Variants in CPEB3 observed in about 807,000 individuals in gnomAD.
CPEB3 encodes cytoplasmic polyadenylation element binding protein 3, also known as cytoplasmic polyadenylation element-binding protein 3.
Under a neutral mutation model 67.2 loss-of-function variants are expected in CPEB3, and 20 were observed. The observed-to-expected ratio is 0.30, with a 90% CI of 0.21 to 0.43. The LOEUF (loss-of-function observed/expected upper bound fraction) is 0.43, where lower values mean the gene tolerates loss of function less well. CPEB3 is among the 20% of genes least tolerant of loss of function. The probability of loss-of-function intolerance (pLI) is 1.00; values close to 1 mark genes in which losing one functional copy is unlikely to be tolerated. For synonymous variants in CPEB3, 376 were observed against 393.1 expected (o/e 0.96, Z 0.51); for missense variants, 746 against 968.6 (o/e 0.77, Z 3.05).
At chr10:92,109,531 C>T (rs1244961867) in intron 7 of CPEB3, among the ~76,000 whole-genome samples, 2 of 152,018 alleles carry the variant, frequency 1.3e-5, no homozygotes, top group South Asian at 2.1e-4. Flanking sequence ...GGATTACAGG[C>T]GTGAGCTACT....
At chr10:92,056,635 C>G (rs1054243392) in intron 9 of CPEB3, among the ~76,000 whole-genome samples, 4 of 152,130 alleles carry the variant, frequency 2.6e-5, no homozygotes, top group Non-Finnish European at 5.9e-5. Context: ...GTCTTTAAAT[C>G]AGCTTGAAAG....
intron 3 of CPEB3, among the ~76,000 whole-genome samples, chr10:92,186,297 G>A (rs996421840): frequency 2.0e-5 from 3 of 151,966 alleles, no homozygotes; most frequent in Non-Finnish European, 2.9e-5. Flanking sequence ...GGCTGAGGTG[G>A]GAGGAGAGCT....
chr10:92,088,943 T>C (rs561011485), intron 8 of CPEB3, among the ~76,000 whole-genome samples: 4 of 152,374 alleles, frequency 2.6e-5, no homozygotes, highest in African/African-American at 9.6e-5. Flanking sequence ...CTCCAGTTAA[T>C]TCTGAGTTCA....
At chr10:92,183,256 C>G (rs1042808645) in intron 3 of CPEB3, among the ~76,000 whole-genome samples, 1 of 152,048 alleles carries the variant, frequency 6.6e-6, no homozygotes, top group African/African-American at 2.4e-5. Context: ...ATTTCAAAAA[C>G]TACCCCATTG....
chr10:92,181,769 G>C (rs1278562818), intron 3 of CPEB3, among the ~76,000 whole-genome samples: 4 of 152,180 alleles, frequency 2.6e-5, no homozygotes, highest in African/African-American at 9.7e-5. Flanking sequence ...AGAACAATAT[G>C]TGACAGAGAC....
intron 6 of CPEB3, among the ~76,000 whole-genome samples, chr10:92,129,765 C>A (rs190291662): frequency 2.0e-4 from 30 of 152,174 alleles, no homozygotes; most frequent in African/African-American, 7.0e-4. Flanking sequence ...ATCCCTGTTG[C>A]GCATGGTAGC....
intron 8 of CPEB3, among the ~76,000 whole-genome samples, chr10:92,083,042 G>A (rs1843220783): frequency 6.6e-6 from 1 of 152,158 alleles, no homozygotes; most frequent in African/African-American, 2.4e-5. Context: ...AAGCATTACT[G>A]GTTTCTGTAC....
At chr10:92,122,064 G>C (rs982329938) in intron 6 of CPEB3, among the ~76,000 whole-genome samples, 2 of 152,128 alleles carry the variant, frequency 1.3e-5, no homozygotes, top group Admixed American at 6.5e-5. Context: ...TACTGAGGTT[G>C]CAAAGATGAA....
intron 8 of CPEB3, among the ~76,000 whole-genome samples, chr10:92,086,560 A>T (rs2050661852): frequency 1.3e-5 from 2 of 152,200 alleles, no homozygotes; most frequent in Non-Finnish European, 2.9e-5. Context: ...CTGCTTCATC[A>T]TCTCGAAAGC....
At chr10:92,073,158 C>G (rs1008334577) in intron 9 of CPEB3, among the ~76,000 whole-genome samples, 4 of 150,098 alleles carry the variant, frequency 2.7e-5, no homozygotes, top group African/African-American at 4.9e-5. Flanking sequence ...CCATCCCAGT[C>G]TCCCGGGTAG....
chr10:92,142,565 A>G (rs905701822), intron 6 of CPEB3, among the ~76,000 whole-genome samples: 1 of 152,192 alleles, frequency 6.6e-6, no homozygotes, highest in African/African-American at 2.4e-5. Context: ...CAAACAGGCT[A>G]AGTCACTTAA....
chr10:92,163,916 T>C (rs925171562), intron 4 of CPEB3, among the ~76,000 whole-genome samples: 2 of 152,238 alleles, frequency 1.3e-5, no homozygotes, highest in African/African-American at 2.4e-5. Flanking sequence ...TTGTATACAT[T>C]AAGCATTTGG....
At position 92,092,342 on chromosome 10, in the gene CPEB3, G is replaced by T. The variant is rs186331715; in HGVS notation, c.1573-398C>A. ...AGAGTTCATCTAAAGTACATCAGGA[G>T]TATTTTCTAAAAATTCTCCATGTCT... is the stretch of plus-strand genomic sequence containing the variant. On this transcript the variant is annotated intron_variant, in intron 7 of 9. Coordinates refer to ENST00000265997, the MANE Select transcript of CPEB3 (RefSeq NM_014912.5). Among the ~76,000 whole-genome samples the T allele has an allele frequency of 1.1e-4, 17 of 152,250 alleles. 1 individual carries two copies. Among genetic ancestry groups the T allele is most frequent in the African/African-American group, 3.9e-4 (16 of 41,550 alleles).
At chr10:92,246,213 AG>A (rs200904450) in intron 1 of CPEB3, among the ~76,000 whole-genome samples, 16,023 of 151,318 alleles carry the variant, frequency 0.11, 2,832 homozygotes, top group African/African-American at 0.37. Context: ...AGGCGCCTGT[AG>A]TCCTGGCTAC....
At chr10:92,053,793 G>T in intron 9 of CPEB3, among the ~76,000 whole-genome samples, 1 of 151,806 alleles carries the variant, frequency 6.6e-6, no homozygotes, top group East Asian at 1.9e-4. Context: ...CACCCGCCTC[G>T]GCCTCCCAAA....
intron 8 of CPEB3, among the ~76,000 whole-genome samples, chr10:92,081,976 A>G (rs902151110): frequency 2.0e-5 from 3 of 152,248 alleles, no homozygotes; most frequent in African/African-American, 7.2e-5. Context: ...GCTTGTTTTA[A>G]CTAGAGACAA....
At chr10:92,130,352 C>T (rs1274292816) in intron 6 of CPEB3, among the ~76,000 whole-genome samples, 1 of 151,844 alleles carries the variant, frequency 6.6e-6, no homozygotes, top group Non-Finnish European at 1.5e-5. Flanking sequence ...TTCTTATCTC[C>T]CCCATAGGAC....
intron 1 of CPEB3, among the ~76,000 whole-genome samples, chr10:92,247,341 T>C (rs2134751135): frequency 1.3e-5 from 2 of 151,904 alleles, no homozygotes; most frequent in Middle Eastern, 6.8e-3. Context: ...CCTCAGCATC[T>C]TGAGTAGTTG....
chr10:92,195,622 T>A (rs1849204563), intron 2 of CPEB3, among the ~76,000 whole-genome samples: 1 of 152,220 alleles, frequency 6.6e-6, no homozygotes, highest in Non-Finnish European at 1.5e-5. Flanking sequence ...TCCACACTTC[T>A]AACTAGAACT....
Sources: allele counts gnomAD v4.1 joint callset (sites outside exome capture counted in the v4.1 genomes callset), GRCh38; gene constraint gnomAD v4.1.1; transcripts MANE v1.5; gene names NCBI Gene and HGNC (gene_info 2026-07-23, HGNC 2026-07-21).